Variants in HACE1 observed in about 807,000 individuals in gnomAD.
HACE1 encodes the protein HECT domain and ankyrin repeat containing E3 ubiquitin protein ligase 1, also known as E3 ubiquitin-protein ligase HACE1.
Under a neutral mutation model 118.4 loss-of-function variants are expected in HACE1, and 73 were observed. The observed-to-expected ratio is 0.62, with a 90% CI of 0.51 to 0.75. The LOEUF (loss-of-function observed/expected upper bound fraction) is 0.75, where lower values mean the gene tolerates loss of function less well. Ranked by LOEUF, HACE1 falls within the 30% of genes least tolerant of loss-of-function variation. HACE1 has a pLI of 0.00. For missense variants in HACE1, 749 were observed against 1,102.2 expected (o/e 0.68, Z 4.54); for synonymous variants, 368 against 374.8 (o/e 0.98, Z 0.21).
intron 4 of HACE1, among the ~76,000 whole-genome samples, chr6:104,847,261 A>G (rs150071968): frequency 4.9e-4 from 75 of 152,320 alleles, no homozygotes; most frequent in Non-Finnish European, 7.6e-4. Context: ...CTCTCCTTTC[A>G]TTAACATAGT....
rs1482254545 is a variant in HACE1, at chr6:104,814,725, G to A, written c.535-3332C>T. On this transcript the variant is annotated intron_variant, in intron 6 of 23. Transcript: ENST00000262903. ...CCTGGTGAGAGGTGACCAGAGCATG[G>A]GAGCAGATTTCCCCCTTGCTGCTCT... 1.5e-5 allele frequency among the ~76,000 whole-genome samples: 2 copies of A among 136,972 alleles called. 1 individual carries two copies. The highest frequency in any genetic ancestry group is 3.1e-5 in the Non-Finnish European group (2 of 63,890). 89.9% of individuals were successfully genotyped at this position (136,972 alleles called of 152,430 possible).
At chr6:104,799,557 A>G (rs1038246765) in intron 7 of HACE1, among the ~76,000 whole-genome samples, 10 of 152,110 alleles carry the variant, frequency 6.6e-5, no homozygotes, top group Non-Finnish European at 1.5e-4. Context: ...TATTCACCCA[A>G]TTTTTCAGAT....
At chr6:104,776,456 G>A (rs781747868) in intron 17 of HACE1, among the ~76,000 whole-genome samples, 9 of 152,304 alleles carry the variant, frequency 5.9e-5, no homozygotes, top group Non-Finnish European at 7.4e-5. Flanking sequence ...ACAAAGGACT[G>A]ATAAGAAACC....
chr6:104,797,077 C>T lies in HACE1; in HGVS notation c.618-52G>A, dbSNP rs912992457. 3.0e-6 allele frequency: 3 copies of T among 1,002,024 alleles called. No individual in the cohort carries two copies. The African/African-American group carries it at 4.8e-5, about 16-fold the overall frequency. 62.1% of individuals were successfully genotyped at this position (1,002,024 alleles called of 1,614,324 possible). A position where few individuals can be genotyped will look rare whatever the true frequency, so the allele number is the denominator to read the frequency against. ...AATACAATCTTTTTAAAGTCTTTCT[C>T]TATGAATTATGGATAGTTAATATGA... On this transcript the variant is annotated intron_variant, in intron 7 of 23. Coordinates refer to ENST00000262903, the MANE Select transcript of HACE1 (RefSeq NM_020771.4).
chr6:104,784,914 A>G, intron 12 of HACE1, 71 bp downstream of exon 12: 1 of 982,858 alleles, frequency 1.0e-6, no homozygotes, highest in Non-Finnish European at 1.6e-6. Context: ...TTGTTTTTGA[A>G]ATTACAAAAG....
intron 19 of HACE1, among the ~76,000 whole-genome samples, chr6:104,766,470 G>A (rs552457018): frequency 6.6e-6 from 1 of 152,214 alleles, no homozygotes; most frequent in Non-Finnish European, 1.5e-5. Flanking sequence ...CTTTTCTAAA[G>A]ATGCATATAA....
At position 104,843,310 on chromosome 6, in the gene HACE1, A is replaced by G; in HGVS notation, c.327-12T>C. 7.8e-7 allele frequency: 1 copy of G among 1,278,646 alleles called. No individual in the cohort carries two copies. The highest frequency in any genetic ancestry group is 2.3e-5 in the East Asian group (1 of 43,256). The allele number at this position is 1,278,646 out of a possible 1,614,324, so 79.2% of individuals were successfully genotyped here. ...TACATTTCTTCTGCCTGAAAAGAAA[A>G]AAGAGTCATGGATAACTGGTACTTA... On this transcript the variant is annotated splice_polypyrimidine_tract_variant and intron_variant, in intron 4 of 23. Transcript: ENST00000262903.
chr6:104,850,183 C>G (rs969324685), intron 3 of HACE1, among the ~76,000 whole-genome samples: 1 of 152,124 alleles, frequency 6.6e-6, no homozygotes, highest in African/African-American at 2.4e-5. Flanking sequence ...CTCCTGACCT[C>G]AAGTGATCTA....
rs1434244396 is a variant in HACE1, at chr6:104,765,170, T to C, written c.2211+6023A>G. ...ATTTTTGATGAGAATTTCAGCTGGA[T>C]GATGAGCAGAGCAGTTGTTAGGGAA... On this transcript the variant is annotated intron_variant, in intron 19 of 23. Transcript: ENST00000262903. Among the ~76,000 whole-genome samples the C allele has an allele frequency of 2.0e-5, 3 of 152,208 alleles. No homozygotes were observed. The East Asian group carries it at 5.8e-4, about 29-fold the overall frequency.
At chr6:104,746,803 A>C (rs920817176) in intron 20 of HACE1, among the ~76,000 whole-genome samples, 1 of 152,204 alleles carries the variant, frequency 6.6e-6, no homozygotes, top group Non-Finnish European at 1.5e-5. Flanking sequence ...GTTTGCTAAA[A>C]GGGAGTGGGA....
At chr6:104,750,077 T>C (rs140552153) in intron 20 of HACE1, among the ~76,000 whole-genome samples, 4 of 152,208 alleles carry the variant, frequency 2.6e-5, no homozygotes, top group East Asian at 3.9e-4. Flanking sequence ...ACATCTCCCA[T>C]ATAGAAGAAA....
chr6:104,735,109 T>A (rs936579717), intron 22 of HACE1, among the ~76,000 whole-genome samples: 4 of 152,014 alleles, frequency 2.6e-5, no homozygotes, highest in Non-Finnish European at 5.9e-5. Flanking sequence ...GCAATGATAA[T>A]CAATTTGGCA....
chr6:104,824,579 T>C (rs924076005), intron 6 of HACE1, among the ~76,000 whole-genome samples: 3 of 152,212 alleles, frequency 2.0e-5, no homozygotes, highest in Admixed American at 2.0e-4. Context: ...AGTTTTAAAT[T>C]GTATCAAAGC....
intron 11 of HACE1, 138 bp downstream of exon 11, chr6:104,791,366 G>A: frequency 1.4e-6 from 1 of 737,180 alleles, no homozygotes; most frequent in Non-Finnish European, 2.4e-6. Context: ...GGAGAAAGGT[G>A]TGCCTAATTT....
At chr6:104,764,447 G>A (rs1056827151) in intron 19 of HACE1, among the ~76,000 whole-genome samples, 2 of 152,204 alleles carry the variant, frequency 1.3e-5, no homozygotes, top group Non-Finnish European at 2.9e-5. Context: ...TTCTAGGAAT[G>A]AGGAGTCATT....
intron 5 of HACE1, among the ~76,000 whole-genome samples, chr6:104,837,125 T>A (rs2115119437): frequency 6.6e-6 from 1 of 152,348 alleles, no homozygotes; most frequent in South Asian, 2.1e-4. Context: ...CAGCAAGGTT[T>A]TTTTGTAGAC....
At chr6:104,848,711 T>A (rs1309246795) in intron 4 of HACE1, among the ~76,000 whole-genome samples, 1 of 152,020 alleles carries the variant, frequency 6.6e-6, no homozygotes, top group Non-Finnish European at 1.5e-5. Flanking sequence ...TTAATAAAAT[T>A]AGCTAAACAA....
intron 11 of HACE1, chr6:104,786,841 G>A (rs1443188659): frequency 6.6e-6 from 1 of 152,030 alleles, no homozygotes; most frequent in Non-Finnish European, 1.5e-5. Flanking sequence ...TACACCATGT[G>A]CTACAGAAAG....
In HACE1 at chr6:104,852,199, CTGTG is replaced by C. The variant is rs543674376; in HGVS notation, c.131+114_131+117del. On this transcript the variant is annotated intron_variant, in intron 2 of 23. Transcript: ENST00000262903. ...CCCAGAACATCTATGTCCAAACTGTCTGTGTGTGTGTGTGTGTGTGTGTGTGTGT... is the reference window on the plus strand; with the variant it reads ...CCCAGAACATCTATGTCCAAACTGTCTGTGTGTGTGTGTGTGTGTGTGTGT... 2.5e-3 allele frequency: 1,599 copies of C among 641,806 alleles called. 3 individuals are homozygous for C. Among genetic ancestry groups the C allele is most frequent in the South Asian group, 6.5e-3 (405 of 62,528 alleles). The allele number at this position is 641,806 out of a possible 1,614,324, so 39.8% of individuals were successfully genotyped here. A position where few individuals can be genotyped will look rare whatever the true frequency, so the allele number is the denominator to read the frequency against.
Sources: gnomAD v4.1 joint callset for allele counts (sites outside exome capture counted in the v4.1 genomes callset) on GRCh38, gnomAD v4.1.1 for gene constraint, MANE v1.5 for transcripts, NCBI Gene and HGNC (gene_info 2026-07-23, HGNC 2026-07-21) for gene names.